The following ULK2 variants were observed in gnomAD, a reference collection of about 807,000 sequenced individuals.
ULK2 encodes serine/threonine-protein kinase ULK2.
A neutral mutation model predicts 127.5 loss-of-function variants in ULK2; 76 were observed. That is an observed-to-expected ratio of 0.60 (90% CI 0.50 to 0.72). The LOEUF is 0.72. Among genes scored for constraint, ULK2 ranks in the 30% least tolerant of loss-of-function variants. The pLI is 0.00. For missense variants in ULK2, 1,144 were observed against 1,295.9 expected, an observed-to-expected ratio of 0.88 and a Z score of 1.80; for synonymous variants, 452 against 461.9, an observed-to-expected ratio of 0.98 and a Z score of 0.28.
At chr17:19,842,190 CTTTT>C (rs869294657) in intron 8 of ULK2, among the ~76,000 whole-genome samples, 7 of 88,378 alleles carry the variant, frequency 7.9e-5, no homozygotes, top group South Asian at 4.4e-4. Flanking sequence ...TTTTCTTTTT[CTTTT>C]TTTTTTTTTT....
intron 16 of ULK2, among the ~76,000 whole-genome samples, chr17:19,800,310 C>CAG (rs562763471): frequency 3.3e-5 from 5 of 152,030 alleles, no homozygotes; most frequent in South Asian, 2.1e-4. Context: ...AAAACTAACA[C>CAG]AGAGAGAGAG....
rs1366184735 is a variant in ULK2, at chr17:19,849,781, AG to A, written c.226-8del. 1 of 1,520,442 alleles carries A rather than the reference AG, an allele frequency of 6.6e-7. No homozygotes were observed. Among genetic ancestry groups the A allele is most frequent in the Non-Finnish European group, 8.9e-7 (1 of 1,119,716 alleles). The allele number at this position is 1,520,442 out of a possible 1,614,324, so 94.2% of individuals were successfully genotyped here. A position where few individuals can be genotyped will look rare whatever the true frequency, so the allele number is the denominator to read the frequency against. ...AGACAGAGTTGGGTAATTCCTGAAA[AG>A]TAAACATATTAAATATCATTTAGAG... On this transcript the variant is annotated splice_region_variant and splice_polypyrimidine_tract_variant and intron_variant, in intron 3 of 26. Transcript: ENST00000395544.
chr17:19,803,254 T>C (rs1567688142), intron 15 of ULK2, among the ~76,000 whole-genome samples: 1 of 152,228 alleles, frequency 6.6e-6, no homozygotes, highest in Non-Finnish European at 1.5e-5. Flanking sequence ...ACTACTCTAA[T>C]ATGTGGCAAA....
At chr17:19,811,439 T>G (rs928771609) in intron 13 of ULK2, among the ~76,000 whole-genome samples, 5 of 152,152 alleles carry the variant, frequency 3.3e-5, no homozygotes, top group African/African-American at 1.2e-4. Flanking sequence ...TAACTTTTTT[T>G]TTTTTAATTT....
intron 10 of ULK2, 145 bp downstream of exon 10, chr17:19,838,356 A>G: frequency 1.5e-6 from 1 of 684,852 alleles, no homozygotes; most frequent in African/African-American, 1.8e-5. Context: ...TAAGCACTCA[A>G]TAAATATTTA....
chr17:19,854,919 T>C (rs980473826), intron 3 of ULK2, among the ~76,000 whole-genome samples: 1 of 150,490 alleles, frequency 6.6e-6, no homozygotes, highest in South Asian at 2.1e-4. Context: ...GCCAAGATGG[T>C]GAAACCCCTT....
intron 3 of ULK2, among the ~76,000 whole-genome samples, chr17:19,850,653 C>A (rs1311670569): frequency 6.6e-6 from 1 of 151,938 alleles, no homozygotes; most frequent in Non-Finnish European, 1.5e-5. Flanking sequence ...GGTGAAACCC[C>A]ATCTCTACTA....
chr17:19,829,425 T>C (rs970821225), intron 10 of ULK2, among the ~76,000 whole-genome samples: 5 of 151,106 alleles, frequency 3.3e-5, no homozygotes, highest in African/African-American at 1.2e-4. Context: ...TAGTCCCAGC[T>C]ACTTGAGGGG....
At position 19,776,273 on chromosome 17, in the gene ULK2, G is replaced by A. The variant is rs1000445649; in HGVS notation, c.*76C>T. On this transcript the variant is annotated 3_prime_UTR_variant, in exon 27 of 27. Transcript: ENST00000395544. ...GAAGCTACAGTTTCCTGGGGATGGGGTGACAGAACTCAAGCTGTAATCCCA... is the reference window on the plus strand; with the variant it reads ...GAAGCTACAGTTTCCTGGGGATGGGATGACAGAACTCAAGCTGTAATCCCA... The A allele has an allele frequency of 3.7e-6, 5 of 1,333,358 alleles. No individual in the cohort carries two copies. Among genetic ancestry groups the A allele is most frequent in the Non-Finnish European group, 5.1e-6 (5 of 983,124 alleles). 82.6% of individuals were successfully genotyped at this position (1,333,358 alleles called of 1,614,324 possible).
intron 9 of ULK2, chr17:19,840,414 C>G: frequency 2.0e-6 from 1 of 501,126 alleles, no homozygotes; most frequent in South Asian, 1.5e-5. Context: ...TGCATTTGGG[C>G]CCCTCTTCTT....
chr17:19,830,629 A>C (rs1374803538), intron 10 of ULK2, among the ~76,000 whole-genome samples: 1 of 151,990 alleles, frequency 6.6e-6, no homozygotes, highest in East Asian at 1.9e-4. Flanking sequence ...AAAAAAAAAA[A>C]AAAAAAAAAC....
chr17:19,796,823 G>C (rs1597726625), intron 18 of ULK2, among the ~76,000 whole-genome samples: 1 of 152,160 alleles, frequency 6.6e-6, no homozygotes, highest in Admixed American at 6.5e-5. Context: ...ATAGACTCTG[G>C]AGTCAGTCAA....
At chr17:19,798,226 T>C (rs140136355) in intron 17 of ULK2, among the ~76,000 whole-genome samples, 104 of 152,318 alleles carry the variant, frequency 6.8e-4, no homozygotes, top group Admixed American at 1.1e-3. Flanking sequence ...TTTTACTTTG[T>C]GTAAAAATAA....
chr17:19,835,010 C>T (rs910891137), intron 10 of ULK2, among the ~76,000 whole-genome samples: 3 of 151,992 alleles, frequency 2.0e-5, no homozygotes, highest in Non-Finnish European at 4.4e-5. Context: ...ATAAAGCAAT[C>T]GTCCTAACAC....
chr17:19,831,179 G>A (rs769248426), intron 10 of ULK2, among the ~76,000 whole-genome samples: 1 of 152,074 alleles, frequency 6.6e-6, no homozygotes, highest in African/African-American at 2.4e-5. Flanking sequence ...AGAGCAGGAA[G>A]GGGATGTACC....
chr17:19,781,005 T>A lies in ULK2; in HGVS notation c.2739A>T (p.Pro913=). The A allele has an allele frequency of 7.4e-6, 12 of 1,614,074 alleles. No individual in the cohort carries two copies. The highest frequency in any genetic ancestry group is 1.0e-5 in the Non-Finnish European group (12 of 1,180,024). ...CCATACCTTGTTTCACAGCTGTGGA[T>A]GGGCTCAGTTTCCCGGACTTGATCT... ...KAQIKSGKLS[P]STAVKQVVKN... is the part of the protein sequence containing the mutation. Residue 913 remains proline, a synonymous_variant, in exon 24 of 27, where the codon CCA becomes CCT. Transcript: ENST00000395544.
At chr17:19,780,249 T>C (rs2086891316) in intron 25 of ULK2, among the ~76,000 whole-genome samples, 2 of 152,074 alleles carry the variant, frequency 1.3e-5, no homozygotes, top group African/African-American at 4.8e-5. Flanking sequence ...TGTAATAAAC[T>C]TATAGCAAAT....
Position 19,816,771 on chromosome 17 carries a change from G to A in ULK2, c.1074C>T (p.His358=). Residue 358 remains histidine, a synonymous_variant, in exon 13 of 27, where the codon CAC becomes CAT. Transcript: ENST00000395544. The part of the protein sequence containing the change: ...CDTDDFVLVP[H]NISSDHSCDM... ...CACATGAGTGGTCTGACGAGATGTTGTGTGGCACCAAAACAAAGTCATCCG... is the reference window on the plus strand; with the variant it reads ...CACATGAGTGGTCTGACGAGATGTTATGTGGCACCAAAACAAAGTCATCCG... The A allele has an allele frequency of 1.9e-6, 3 of 1,604,454 alleles. No homozygotes were observed. The highest frequency in any genetic ancestry group is 2.5e-6 in the Non-Finnish European group (3 of 1,177,104).
intron 7 of ULK2, among the ~76,000 whole-genome samples, chr17:19,844,569 T>C (rs866969776): frequency 4.6e-5 from 7 of 151,908 alleles, no homozygotes; most frequent in Middle Eastern, 3.4e-3. Flanking sequence ...TTATATAAAA[T>C]TATAAAATTA....
Sources: gnomAD v4.1 joint callset for allele counts (sites outside exome capture counted in the v4.1 genomes callset) on GRCh38, gnomAD v4.1.1 for gene constraint, MANE v1.5 for transcripts, NCBI Gene and HGNC (gene_info 2026-07-23, HGNC 2026-07-21) for gene names.